Variants in FHIP1A observed in about 807,000 individuals in gnomAD.
FHIP1A encodes the protein FHF complex subunit HOOK-interacting protein 1A.
A neutral mutation model predicts 88.6 loss-of-function variants in FHIP1A; 61 were observed. That is an observed-to-expected ratio of 0.69 (90% CI 0.56 to 0.85). The LOEUF (loss-of-function observed/expected upper bound fraction) is 0.85, where lower values mean the gene tolerates loss of function less well. Ranked by LOEUF, FHIP1A falls within the 40% of genes least tolerant of loss-of-function variation. The pLI, the probability that FHIP1A is intolerant of heterozygous loss-of-function variation, is 0.00. For missense variants in FHIP1A, 1,154 were observed against 1,273.5 expected (o/e 0.91, Z 1.43); for synonymous variants, 478 against 496.0 (o/e 0.96, Z 0.48).
At chr4:151,470,308 G>A (rs1316074467) in intron 2 of FHIP1A, among the ~76,000 whole-genome samples, 2 of 152,212 alleles carry the variant, frequency 1.3e-5, no homozygotes, top group African/African-American at 2.4e-5. Context: ...GATGCTGTGT[G>A]TTAAGGCAGG....
At chr4:151,514,797 T>C (rs1731167716) in intron 3 of FHIP1A, among the ~76,000 whole-genome samples, 1 of 152,078 alleles carries the variant, frequency 6.6e-6, no homozygotes, top group Non-Finnish European at 1.5e-5. Context: ...GGCTCTGAAA[T>C]TATGGCAATA....
At position 151,577,797 on chromosome 4, in the gene FHIP1A, A is replaced by C. The variant is rs1407791059; in HGVS notation, c.453A>C (p.Ser151=). Residue 151 remains serine, a synonymous_variant, in exon 5 of 14, where the codon TCA becomes TCC. Coordinates refer to ENST00000435205, the MANE Select transcript of FHIP1A (RefSeq NM_001109977.3). ...TGATGATGTTGCTGAGCTCTTGTTC[A>C]GGAACAACCACCCCCACTGTGGAGG... is the stretch of plus-strand genomic sequence containing the variant. ...KPLMMLLSSC[S]GTTTPTVEEK... The C allele has an allele frequency of 1.3e-6, 2 of 1,552,078 alleles. No individual in the cohort carries two copies. The highest frequency in any genetic ancestry group is 2.4e-5 in the South Asian group (2 of 84,038).
intron 7 of FHIP1A, among the ~76,000 whole-genome samples, chr4:151,607,373 T>C (rs1723001654): frequency 6.6e-6 from 1 of 152,304 alleles, no homozygotes; most frequent in Admixed American, 6.5e-5. Flanking sequence ...TAAATCTGGA[T>C]TGAAAAAATC....
At chr4:151,579,109 G>A (rs1733927693) in intron 5 of FHIP1A, among the ~76,000 whole-genome samples, 1 of 152,156 alleles carries the variant, frequency 6.6e-6, no homozygotes, top group African/African-American at 2.4e-5. Context: ...GGTGAGGGAT[G>A]AATAAGCAAA....
At chr4:151,437,254 T>C (rs1370365991) in intron 1 of FHIP1A, among the ~76,000 whole-genome samples, 1 of 152,068 alleles carries the variant, frequency 6.6e-6, no homozygotes, top group Non-Finnish European at 1.5e-5. Flanking sequence ...GATATATGTA[T>C]ATAGTATGCC....
chr4:151,512,370 G>C (rs6845344), intron 3 of FHIP1A, among the ~76,000 whole-genome samples: 79,008 of 152,030 alleles, frequency 0.52, 20,828 homozygotes, highest in African/African-American at 0.55. Context: ...AGCAGAAAAA[G>C]TGGAAACTCT....
intron 5 of FHIP1A, among the ~76,000 whole-genome samples, chr4:151,580,157 C>T (rs1271582497): frequency 6.6e-6 from 1 of 152,112 alleles, no homozygotes; most frequent in East Asian, 1.9e-4. Context: ...CTTTAGTCTC[C>T]GTTAATATAG....
chr4:151,420,776 T>C (rs1328791203), intron 1 of FHIP1A, among the ~76,000 whole-genome samples: 1 of 152,234 alleles, frequency 6.6e-6, no homozygotes, highest in African/African-American at 2.4e-5. Flanking sequence ...ATTACTGATA[T>C]TTTTAAAGCA....
rs566435909 is a variant in FHIP1A at position 151,562,040 on chromosome 4, G to A, written c.-122-4098G>A. Among the ~76,000 whole-genome samples, 100 of 152,304 alleles carry A rather than the reference G, an allele frequency of 6.6e-4. 1 individual carries two copies. Among genetic ancestry groups the A allele is most frequent in the Non-Finnish European group, 1.1e-3 (72 of 68,020 alleles). On this transcript the variant is annotated intron_variant, in intron 3 of 13. Transcript: ENST00000435205. Reference sequence around the variant, plus strand: ...TGCTTACTTAAGTGACATTCCAAAAGAAGAGTCCCATTTTTCACTCAAGGT... The same window carrying A: ...TGCTTACTTAAGTGACATTCCAAAAAAAGAGTCCCATTTTTCACTCAAGGT...
chr4:151,633,977 G>A (rs912200015), intron 8 of FHIP1A, among the ~76,000 whole-genome samples: 2 of 151,858 alleles, frequency 1.3e-5, no homozygotes, highest in Non-Finnish European at 2.9e-5. Flanking sequence ...TGGATAGAAA[G>A]AAGTTAAATT....
intron 1 of FHIP1A, among the ~76,000 whole-genome samples, chr4:151,452,637 T>C (rs1281747003): frequency 1.3e-5 from 2 of 151,864 alleles, no homozygotes; most frequent in Non-Finnish European, 2.9e-5. Flanking sequence ...ACTAGCTGGG[T>C]GTGGTGGCTC....
At chr4:151,550,997 C>T (rs1166027071) in intron 3 of FHIP1A, among the ~76,000 whole-genome samples, 1 of 152,090 alleles carries the variant, frequency 6.6e-6, no homozygotes, top group Admixed American at 6.5e-5. Flanking sequence ...ATATGAACTG[C>T]CCTTAAGGGG....
Position 151,409,461 on chromosome 4 carries a change from G to A in FHIP1A, c.-360G>A, listed in dbSNP as rs1580530242. On this transcript the variant is annotated 5_prime_UTR_variant, in exon 1 of 14. Coordinates refer to ENST00000435205, the MANE Select transcript of FHIP1A (RefSeq NM_001109977.3). ...TCGGGGAGGAGGAGCCACGGCCGGG[G>A]ACAGGTAGGTGCTGTGCTGGCCGGA... 6.5e-6 allele frequency: 1 copy of A among 153,142 alleles called. No individual in the cohort carries two copies. Among genetic ancestry groups the A allele is most frequent in the East Asian group, 1.9e-4 (1 of 5,200 alleles). 9.5% of individuals were successfully genotyped at this position (153,142 alleles called of 1,614,324 possible).
At chr4:151,527,153 C>T (rs1213965445) in intron 3 of FHIP1A, among the ~76,000 whole-genome samples, 6 of 152,138 alleles carry the variant, frequency 3.9e-5, no homozygotes, top group African/African-American at 1.2e-4. Context: ...ATCTCGGCAC[C>T]CTGGGAGGCC....
rs78637157 is a variant in FHIP1A, at chr4:151,575,855, A to G, written c.106-1595A>G. On this transcript the variant is annotated intron_variant, in intron 4 of 13. Coordinates refer to ENST00000435205, the MANE Select transcript of FHIP1A (RefSeq NM_001109977.3). ...CATTATCCCTTTGCCAGCTTCCCCA[A>G]TGACTTGCAAAAATTCCATAACCTA... is the stretch of plus-strand genomic sequence containing the variant. 3.3e-3 allele frequency among the ~76,000 whole-genome samples: 507 copies of G among 152,288 alleles called. 9 individuals are homozygous for G. The highest frequency in any genetic ancestry group is 0.021 in the East Asian group (111 of 5,194).
chr4:151,426,329 T>C (rs1580550196), intron 1 of FHIP1A, among the ~76,000 whole-genome samples: 1 of 152,196 alleles, frequency 6.6e-6, no homozygotes, highest in Admixed American at 6.5e-5. Flanking sequence ...CATATTAACA[T>C]TGATAAATGC....
chr4:151,559,383 T>A (rs557297313), intron 3 of FHIP1A, among the ~76,000 whole-genome samples: 11 of 152,234 alleles, frequency 7.2e-5, no homozygotes, highest in Admixed American at 1.3e-4. Context: ...AGGTACAGTT[T>A]GAAAAGTGAG....
chr4:151,656,147 A>G lies in FHIP1A; in HGVS notation c.2552-85A>G. 9.2e-7 allele frequency: 1 copy of G among 1,090,592 alleles called. No homozygotes were observed. The highest frequency in any genetic ancestry group is 2.6e-5 in the East Asian group (1 of 38,232). The allele number at this position is 1,090,592 out of a possible 1,614,324, so 67.6% of individuals were successfully genotyped here. A position where few individuals can be genotyped will look rare whatever the true frequency, so the allele number is the denominator to read the frequency against. ...CTGTGGGCCCATGGTGGTTTGGGAG[A>G]TGTGGCACCGATGGTTCTGCAATTG... On this transcript the variant is annotated intron_variant, in intron 11 of 13. Transcript: ENST00000435205. This position sits in a 1 kb window ranked among gnomAD's most constrained non-coding sequence, Gnocchi z 4.2.
chr4:151,452,708 C>T (rs1728830119), intron 1 of FHIP1A, among the ~76,000 whole-genome samples: 1 of 151,238 alleles, frequency 6.6e-6, no homozygotes, highest in South Asian at 2.1e-4. Flanking sequence ...ACCCAGTAGG[C>T]AGAGGTTGCA....
Sources: gnomAD v4.1 joint callset for allele counts (sites outside exome capture counted in the v4.1 genomes callset) on GRCh38, gnomAD v4.1.1 for gene constraint, Gnocchi (gnomAD v3.1) non-coding constraint, MANE v1.5 for transcripts, NCBI Gene and HGNC (gene_info 2026-07-23, HGNC 2026-07-21) for gene names.